Variants in ANKRD36 observed in about 807,000 individuals in gnomAD.
The protein encoded by ANKRD36 is ankyrin repeat domain-containing protein 36A.
A neutral mutation model predicts 278.1 loss-of-function variants in ANKRD36; 179 were observed. That is an observed-to-expected ratio of 0.64 (90% confidence interval 0.57 to 0.73). The LOEUF is 0.73. Among genes scored for constraint, ANKRD36 ranks in the 30% least tolerant of loss-of-function variants. The pLI is 0.00. For synonymous variants in ANKRD36, 320 were observed against 641.1 expected (o/e 0.50, Z 7.57); for missense variants, 1,159 against 1,956.7 (o/e 0.59, Z 7.69).
At chr2:97,203,931 C>G (rs1222371974) in intron 48 of ANKRD36, 137 bp from the exon 49 acceptor site, 15 of 1,386,450 alleles carry the variant, frequency 1.1e-5, no homozygotes, top group African/African-American at 1.5e-5. Context: ...TTCTAATCCC[C>G]AGACCAAAAT....
Position 97,200,363 on chromosome 2 carries a change from G to A in ANKRD36, c.2784+1G>A, listed in dbSNP as rs752732322. On this transcript the variant is annotated splice_donor_variant, in intron 45 of 75. Coordinates refer to ENST00000420699, the MANE Select transcript of ANKRD36 (RefSeq NM_001354587.1). LOFTEE classifies it high-confidence loss of function. ...TTCTCGGAAAAAACCATCCTTGGAG[G>A]TAATGAAACTCTCATTCATATTGTG... 1 of 1,605,878 alleles carries A rather than the reference G, an allele frequency of 6.2e-7. No homozygotes were observed. The highest frequency in any genetic ancestry group is 8.5e-7 in the Non-Finnish European group (1 of 1,178,700).
At chr2:97,162,723 G>T (rs1575137837) in intron 18 of ANKRD36, among the ~76,000 whole-genome samples, 1 of 144,590 alleles carries the variant, frequency 6.9e-6, no homozygotes, top group Non-Finnish European at 1.5e-5. Context: ...CTCTCTATAG[G>T]GGTTACACAT....
At chr2:97,198,720 T>C (rs2060487213) in intron 44 of ANKRD36, 62 bp downstream of exon 44, 5 of 1,455,750 alleles carry the variant, frequency 3.4e-6, no homozygotes, top group Middle Eastern at 2.4e-4. Context: ...TTCTCTTCCC[T>C]GAATAAATCA....
At chr2:97,206,982 G>C (rs2063031088) in intron 52 of ANKRD36, among the ~76,000 whole-genome samples, 1 of 151,436 alleles carries the variant, frequency 6.6e-6, no homozygotes, top group African/African-American at 2.4e-5. Flanking sequence ...CAAAAATTAT[G>C]CTGGATTCTA....
intron 6 of ANKRD36, among the ~76,000 whole-genome samples, chr2:97,134,458 A>G (rs1160438491): frequency 6.6e-6 from 1 of 152,114 alleles, no homozygotes; most frequent in Non-Finnish European, 1.5e-5. Context: ...TTATAAAACG[A>G]GTCAGAAAGT....
intron 58 of ANKRD36, 23 bp downstream of exon 58, chr2:97,211,764 TATG>T (rs774344179): frequency 6.4e-7 from 1 of 1,559,696 alleles, no homozygotes; most frequent in South Asian, 1.2e-5. Context: ...ACACATTTAA[TATG>T]ATGTTCGGTC....
At chr2:97,177,643 T>G (rs1032015153) in intron 22 of ANKRD36, among the ~76,000 whole-genome samples, 38 of 151,768 alleles carry the variant, frequency 2.5e-4, no homozygotes, top group African/African-American at 4.8e-4. Context: ...GCTGAAACTG[T>G]ATCCCTTCCT....
At position 97,217,351 on chromosome 2, in the gene ANKRD36, G is replaced by A. The variant is rs745924505; in HGVS notation, c.3754G>A (p.Gly1252Ser). 1.9e-6 allele frequency: 3 copies of A among 1,550,222 alleles called. No individual in the cohort carries two copies. The South Asian group carries it at 3.6e-5, about 19-fold the overall frequency. ...SLLNIATRIT[G>S]GWKSGTEYPE... ...TTTGAATATTGCCACAAGAATAACAGGCGGTTGGAAATCTGGAACAGGTAA... is the reference window on the plus strand; with the variant it reads ...TTTGAATATTGCCACAAGAATAACAAGCGGTTGGAAATCTGGAACAGGTAA... The change falls in exon 64 of 76, where the codon GGC becomes AGC. Residue 1252 changes from glycine to serine, a missense_variant. Gly to Ser is a moderately conservative substitution (Grantham distance 56). Coordinates refer to ENST00000420699, the MANE Select transcript of ANKRD36 (RefSeq NM_001354587.1).
intron 22 of ANKRD36, among the ~76,000 whole-genome samples, chr2:97,178,404 A>G (rs1434846343): frequency 2.0e-5 from 3 of 151,884 alleles, no homozygotes; most frequent in Non-Finnish European, 2.9e-5. Context: ...CATTATTCAC[A>G]ATAGCAAAGA....
intron 20 of ANKRD36, among the ~76,000 whole-genome samples, chr2:97,166,974 T>TA (rs2050906041): frequency 3.7e-4 from 53 of 144,942 alleles, no homozygotes; most frequent in South Asian, 8.8e-4. Flanking sequence ...AATATTTTGA[T>TA]TAACATGAAA....
intron 56 of ANKRD36, among the ~76,000 whole-genome samples, chr2:97,210,095 G>C (rs1393869086): frequency 1.3e-5 from 2 of 151,840 alleles, no homozygotes; most frequent in Admixed American, 1.3e-4. Context: ...TTGGGAAGAA[G>C]AAATACGGAG....
At chr2:97,220,859 G>T (rs1437456589) in intron 66 of ANKRD36, among the ~76,000 whole-genome samples, 1 of 143,130 alleles carries the variant, frequency 7.0e-6, no homozygotes, top group Non-Finnish European at 1.5e-5. Flanking sequence ...CATGTGCCAT[G>T]CTGGTGCGCT....
At chr2:97,224,595 GC>G (rs1558916322) in intron 66 of ANKRD36, among the ~76,000 whole-genome samples, 1 of 151,990 alleles carries the variant, frequency 6.6e-6, no homozygotes, top group African/African-American at 2.4e-5. Flanking sequence ...GACTACAGGC[GC>G]CCGCCACCAC....
chr2:97,147,622 T>C (rs1415453111), intron 11 of ANKRD36, among the ~76,000 whole-genome samples: 1 of 151,948 alleles, frequency 6.6e-6, no homozygotes, highest in Non-Finnish European at 1.5e-5. Context: ...AGTCTTCTTT[T>C]ACATCATTCT....
intron 16 of ANKRD36, 87 bp from the exon 17 acceptor site, chr2:97,158,501 A>C: frequency 7.0e-7 from 1 of 1,418,512 alleles, no homozygotes; most frequent in Non-Finnish European, 9.5e-7. Flanking sequence ...TGCTGGGATT[A>C]AAGCTGTGAG....
chr2:97,176,800 A>G (rs1244019407), intron 22 of ANKRD36, among the ~76,000 whole-genome samples: 1 of 151,424 alleles, frequency 6.6e-6, no homozygotes, highest in African/African-American at 2.4e-5. Flanking sequence ...TTCCTTCAGG[A>G]GCTCTTTTAG....
chr2:97,214,953 CT>C (rs1576145958), intron 60 of ANKRD36, among the ~76,000 whole-genome samples: 1 of 148,318 alleles, frequency 6.7e-6, no homozygotes, highest in East Asian at 2.1e-4. Flanking sequence ...CATGTACCAC[CT>C]GCTTTGACAT....
chr2:97,164,935 G>A (rs1458607710), intron 20 of ANKRD36, among the ~76,000 whole-genome samples: 2 of 151,562 alleles, frequency 1.3e-5, no homozygotes, highest in East Asian at 3.8e-4. Context: ...GTTTCTGCAT[G>A]TGTGTGTGTG....
intron 66 of ANKRD36, among the ~76,000 whole-genome samples, chr2:97,221,810 T>C (rs1415099454): frequency 6.8e-6 from 1 of 147,278 alleles, no homozygotes; most frequent in South Asian, 2.3e-4. Flanking sequence ...ATTTTGGCTT[T>C]TGTTGCCATT....
Sources: gnomAD v4.1 joint callset for allele counts (sites outside exome capture counted in the v4.1 genomes callset) on GRCh38, gnomAD v4.1.1 for gene constraint, MANE v1.5 for transcripts, NCBI Gene and HGNC (gene_info 2026-07-23, HGNC 2026-07-21) for gene names.